Variants in SDCBP observed in about 807,000 individuals in gnomAD.
SDCBP encodes the protein syntenin-1.
Under a neutral mutation model 30.5 loss-of-function variants are expected in SDCBP, and 22 were observed. That is an observed-to-expected ratio of 0.72 (90% CI 0.52 to 1.03). SDCBP has a LOEUF of 1.03. Among genes scored for constraint, SDCBP ranks in the 50% least tolerant of loss-of-function variants. The probability of loss-of-function intolerance (pLI) is 0.00; values close to 1 mark genes in which losing one functional copy is unlikely to be tolerated. For missense variants in SDCBP, 304 were observed against 369.9 expected, an observed-to-expected ratio of 0.82 and a Z score of 1.46; for synonymous variants, 103 against 118.7, an observed-to-expected ratio of 0.87 and a Z score of 0.86.
rs781223727 is a variant in SDCBP, at chr8:58,572,314, G to A, written c.240G>A (p.Gly80=). Reference sequence around the variant, plus strand: ...TGGTTTCTGGTGCACCACTTCAGGGGGTATGTATAGTGTAATTAATTTTGA... The same window carrying A: ...TGGTTTCTGGTGCACCACTTCAGGGAGTATGTATAGTGTAATTAATTTTGA... ...VAVVSGAPLQ[G]QLVARPSSIN... Residue 80 remains glycine (G), a splice_region_variant and synonymous_variant, in exon 4 of 9, where the codon GGG becomes GGA. Transcript: ENST00000260130. The A allele has an allele frequency of 1.1e-5, 17 of 1,562,354 alleles. No homozygotes were observed. In the Admixed American group the frequency reaches 1.7e-4, roughly 15 times the overall value.
At chr8:58,567,827 A>G (rs1044584035) in intron 2 of SDCBP, among the ~76,000 whole-genome samples, 11 of 152,210 alleles carry the variant, frequency 7.2e-5, no homozygotes, top group African/African-American at 2.4e-4. Context: ...ACTGTAGGCA[A>G]TTGTTACACA....
At chr8:58,553,871 T>G (rs2129607036) in intron 1 of SDCBP, among the ~76,000 whole-genome samples, 2 of 152,292 alleles carry the variant, frequency 1.3e-5, no homozygotes, top group South Asian at 4.1e-4. Flanking sequence ...GGGGAGAGGT[T>G]GTTCGCTTTG....
At chr8:58,577,336 TG>T (rs201437986) in intron 5 of SDCBP, among the ~76,000 whole-genome samples, 2,884 of 152,374 alleles carry the variant, frequency 0.019, 47 homozygotes, top group African/African-American at 0.042. Context: ...ATTTATATTT[TG>T]TTCAACTTCT....
intron 2 of SDCBP, among the ~76,000 whole-genome samples, chr8:58,566,939 G>C (rs1326697792): frequency 6.6e-6 from 1 of 152,148 alleles, no homozygotes; most frequent in Admixed American, 6.5e-5. Context: ...CCTGACAAGA[G>C]CCTGTGGTTT....
intron 1 of SDCBP, among the ~76,000 whole-genome samples, chr8:58,553,669 C>G (rs73684344): frequency 0.025 from 3,803 of 152,336 alleles, 165 homozygotes; most frequent in African/African-American, 0.084. Context: ...GACCGTCTCT[C>G]GATCCTTGTT....
intron 2 of SDCBP, among the ~76,000 whole-genome samples, chr8:58,570,235 T>C (rs1007905091): frequency 2.6e-5 from 4 of 152,208 alleles, no homozygotes; most frequent in South Asian, 2.1e-4. Flanking sequence ...ATGAGTAGCA[T>C]TGATAAATGC....
Position 58,578,168 on chromosome 8 carries a change from C to A in SDCBP, c.538C>A (p.Gln180Lys). The A allele has an allele frequency of 6.2e-7, 1 of 1,601,288 alleles. No individual in the cohort carries two copies. The highest frequency in any genetic ancestry group is 8.5e-7 in the Non-Finnish European group (1 of 1,175,068). ...SSDKAHKVLKQAFGEKITMTI... is the reference protein window; with the variant it reads ...SSDKAHKVLKKAFGEKITMTI... Reference sequence around the variant, plus strand: ...TGATAAAGCGCACAAGGTGCTCAAACAGGCTTTTGGAGAGAAGATTACCAT... The same window carrying A: ...TGATAAAGCGCACAAGGTGCTCAAAAAGGCTTTTGGAGAGAAGATTACCAT... The change falls in exon 6 of 9, where the codon CAG becomes AAG. Residue 180 changes from glutamine to lysine, a missense_variant. Transcript: ENST00000260130.
intron 1 of SDCBP, among the ~76,000 whole-genome samples, chr8:58,557,191 T>C (rs1293937607): frequency 2.4e-5 from 3 of 127,106 alleles, no homozygotes; most frequent in Non-Finnish European, 4.6e-5. Flanking sequence ...AATATAGTAT[T>C]ATTATATATT....
At chr8:58,568,836 T>C (rs569667011) in intron 2 of SDCBP, among the ~76,000 whole-genome samples, 1 of 152,324 alleles carries the variant, frequency 6.6e-6, no homozygotes, top group South Asian at 2.1e-4. Flanking sequence ...CTTTAATGCC[T>C]GTTCTTCCTT....
At chr8:58,561,916 T>C in intron 1 of SDCBP, 1 of 538,070 alleles carries the variant, frequency 1.9e-6, no homozygotes, top group Non-Finnish European at 3.3e-6. Context: ...AGTAATGCAG[T>C]ATGGGGATGG....
At chr8:58,576,200 AAATGTTTTC>A (rs1805306546) in intron 5 of SDCBP, 139 bp downstream of exon 5, 2 of 685,678 alleles carry the variant, frequency 2.9e-6, no homozygotes, top group Non-Finnish European at 4.7e-6. Context: ...CTACTAACTT[AAATGTTTTC>A]AATTGGGGAT....
chr8:58,576,116 A>T, intron 5 of SDCBP, 55 bp downstream of exon 5: 1 of 1,255,384 alleles, frequency 8.0e-7, no homozygotes, highest in South Asian at 1.3e-5. Flanking sequence ...ATAATAAGTG[A>T]TTAATGTTAA....
intron 7 of SDCBP, 98 bp downstream of exon 7, chr8:58,579,892 G>C: frequency 8.6e-7 from 1 of 1,156,840 alleles, no homozygotes; most frequent in Non-Finnish European, 1.2e-6. Context: ...TGACTTAGGT[G>C]GGAGATGGGG....
chr8:58,566,651 C>T (rs1279572550), intron 2 of SDCBP, among the ~76,000 whole-genome samples: 2 of 152,128 alleles, frequency 1.3e-5, no homozygotes, highest in African/African-American at 4.8e-5. Context: ...AGCCATTAAA[C>T]TCTTTGGCTG....
Position 58,561,805 on chromosome 8 carries a change from T to A in SDCBP, c.-15-3214T>A, listed in dbSNP as rs544979652. 1.3e-5 allele frequency: 9 copies of A among 686,236 alleles called. No individual in the cohort carries two copies. In the African/African-American group the frequency reaches 1.6e-4, roughly 12 times the overall value. 42.5% of individuals were successfully genotyped at this position (686,236 alleles called of 1,614,324 possible). A position where few individuals can be genotyped will look rare whatever the true frequency, so the allele number is the denominator to read the frequency against. On this transcript the variant is annotated intron_variant, in intron 1 of 8. Coordinates refer to ENST00000260130, the MANE Select transcript of SDCBP (RefSeq NM_005625.4). ...TATTATTGTAATGGTGGTGAGTAAA[T>A]CACTTATTTCTGATATATAAGTCTA...
rs1215165728 is a variant in SDCBP, at chr8:58,573,536, G to C, written c.240+1222G>C. Among the ~76,000 whole-genome samples, 2 of 152,208 alleles carry C rather than the reference G, an allele frequency of 1.3e-5. 1 individual carries two copies. The highest frequency in any genetic ancestry group is 2.9e-5 in the Non-Finnish European group (2 of 68,032). On this transcript the variant is annotated intron_variant, in intron 4 of 8. Coordinates refer to ENST00000260130, the MANE Select transcript of SDCBP (RefSeq NM_005625.4). ...GAAGCTTGAGGAAGAGCCCCACGGA[G>C]CTGGGACTCAGACCTTGGATGAGGG...
intron 4 of SDCBP, among the ~76,000 whole-genome samples, chr8:58,572,990 T>G (rs1431073893): frequency 6.6e-6 from 1 of 151,932 alleles, no homozygotes; most frequent in Non-Finnish European, 1.5e-5. Context: ...GTATTTTTAG[T>G]AGAGACCGGG....
chr8:58,576,796 G>A (rs535870359), intron 5 of SDCBP, among the ~76,000 whole-genome samples: 4 of 152,130 alleles, frequency 2.6e-5, no homozygotes, highest in South Asian at 2.1e-4. Context: ...TATTGGATTC[G>A]GTTTCAGTCA....
Position 58,581,788 on chromosome 8 carries a change from T to C in SDCBP, c.*48T>C, listed in dbSNP as rs765048220. The C allele has an allele frequency of 2.4e-5, 36 of 1,519,994 alleles. No homozygotes were observed. Among genetic ancestry groups the C allele is most frequent in the Non-Finnish European group, 3.2e-5 (35 of 1,096,022 alleles). 94.2% of individuals were successfully genotyped at this position (1,519,994 alleles called of 1,614,324 possible). A position where few individuals can be genotyped will look rare whatever the true frequency, so the allele number is the denominator to read the frequency against. Reference sequence around the variant, plus strand: ...TAGCTGAACGTCTCCAGTTTCCTTCTTTGGCAACTTCTGTATTATGCACGT... The same window carrying C: ...TAGCTGAACGTCTCCAGTTTCCTTCCTTGGCAACTTCTGTATTATGCACGT... On this transcript the variant is annotated 3_prime_UTR_variant, in exon 9 of 9. Coordinates refer to ENST00000260130, the MANE Select transcript of SDCBP (RefSeq NM_005625.4).
Sources: allele counts gnomAD v4.1 joint callset (sites outside exome capture counted in the v4.1 genomes callset), GRCh38; gene constraint gnomAD v4.1.1; transcripts MANE v1.5; gene names NCBI Gene and HGNC (gene_info 2026-07-23, HGNC 2026-07-21).